The following OR4N2 variants were observed in gnomAD, a reference collection of about 807,000 sequenced individuals.
OR4N2 encodes the protein olfactory receptor family 4 subfamily N member 2, also known as olfactory receptor 4N2.
For missense variants in OR4N2, 307 were observed against 377.6 expected, an observed-to-expected ratio of 0.81 and a Z score of 1.55; for synonymous variants, 141 against 140.4, an observed-to-expected ratio of 1.00 and a Z score of -0.03.
chr14:19,816,166 T>C (rs1294936885), intron 1 of OR4N2, among the ~76,000 whole-genome samples: 20 of 150,470 alleles, frequency 1.3e-4, no homozygotes, highest in Non-Finnish European at 3.0e-4. Flanking sequence ...TGCTTAGGAT[T>C]GTCTTGGCTA....
intron 1 of OR4N2, among the ~76,000 whole-genome samples, chr14:19,824,032 G>A (rs1435418829): frequency 5.3e-5 from 8 of 152,182 alleles, no homozygotes; most frequent in African/African-American, 1.9e-4. Context: ...TCTGTAGTGT[G>A]TCATCATGGC....
rs78856469 is a variant in OR4N2 at position 19,828,906 on chromosome 14, G to T, written c.*534G>T. Reference sequence around the variant, plus strand: ...TAATATGAAAATGATTAAAGTTGGAGATACTGGTAGTGTCAAAAACATACG... The same window carrying T: ...TAATATGAAAATGATTAAAGTTGGATATACTGGTAGTGTCAAAAACATACG... On this transcript the variant is annotated 3_prime_UTR_variant, in exon 2 of 2. Coordinates refer to ENST00000557677, the MANE Select transcript of OR4N2 (RefSeq NM_001004723.3). 640 of 157,526 alleles carry T rather than the reference G, an allele frequency of 4.1e-3. 5 individuals carry two copies. Among genetic ancestry groups the T allele is most frequent in the African/African-American group, 0.014 (561 of 41,534 alleles). 9.8% of individuals were successfully genotyped at this position (157,526 alleles called of 1,614,324 possible).
At chr14:19,821,805 G>T (rs1377524851) in intron 1 of OR4N2, 2 of 152,256 alleles carry the variant, frequency 1.3e-5, no homozygotes. Flanking sequence ...GAAGCATTCA[G>T]TGGGTCATGG....
rs566939803 is a variant in OR4N2, at chr14:19,827,876, C to T, written c.428C>T (p.Ala143Val). 1.2e-6 allele frequency: 2 copies of T among 1,614,250 alleles called. No homozygotes were observed. Among genetic ancestry groups the T allele is most frequent in the African/African-American group, 1.3e-5 (1 of 75,062 alleles). Residue 143 changes from alanine to valine, a missense_variant, in exon 2 of 2, where the codon GCA (alanine) becomes GTA (valine). Ala to Val is a moderately conservative substitution (Grantham distance 64). Transcript: ENST00000557677. ...PTVMNPRTCY[A>V]MMLALWLGGF... ...GTCATGAACCCTAGAACCTGCTATG[C>T]AATGATGTTGGCTCTGTGGCTTGGG...
At chr14:19,818,399 C>G (rs1378122131) in intron 1 of OR4N2, among the ~76,000 whole-genome samples, 2 of 152,184 alleles carry the variant, frequency 1.3e-5, no homozygotes, top group Non-Finnish European at 2.9e-5. Flanking sequence ...GGATAGTTAG[C>G]TTTTCTTGTT....
chr14:19,812,314 C>CT (rs1406692579), intron 1 of OR4N2, among the ~76,000 whole-genome samples: 1 of 114,898 alleles, frequency 8.7e-6, no homozygotes, highest in Non-Finnish European at 1.9e-5. Flanking sequence ...TTTTTTTTTT[C>CT]TTTTCTTTTC....
chr14:19,829,620 G>A lies in OR4N2; in HGVS notation c.*1248G>A, dbSNP rs1329952923. The A allele has an allele frequency of 1.3e-5, 2 of 152,220 alleles. No homozygotes were observed. Among genetic ancestry groups the A allele is most frequent in the African/African-American group, 4.8e-5 (2 of 41,428 alleles). 9.4% of individuals were successfully genotyped at this position (152,220 alleles called of 1,614,324 possible). A position where few individuals can be genotyped will look rare whatever the true frequency, so the allele number is the denominator to read the frequency against. ...AAGTTGATGATCTGGAATCACTTTG[G>A]ACCTAACAAATCGCCCCTAGTATAA... On this transcript the variant is annotated 3_prime_UTR_variant, in exon 2 of 2. Coordinates refer to ENST00000557677, the MANE Select transcript of OR4N2 (RefSeq NM_001004723.3).
chr14:19,822,293 C>A (rs1879586070), intron 1 of OR4N2: 1 of 152,222 alleles, frequency 6.6e-6, no homozygotes. Context: ...AACCAAAAAT[C>A]ATACAAATGA....
At chr14:19,804,867 TG>T (rs1379391661) in intron 1 of OR4N2, among the ~76,000 whole-genome samples, 2 of 152,252 alleles carry the variant, frequency 1.3e-5, no homozygotes. Flanking sequence ...TTTATAAGTC[TG>T]GGTACTTCTG....
chr14:19,812,408 C>T (rs1168593345), intron 1 of OR4N2, among the ~76,000 whole-genome samples: 2 of 148,788 alleles, frequency 1.3e-5, no homozygotes, highest in Non-Finnish European at 3.0e-5. Context: ...CGGCTCACTG[C>T]AAACTCCACC....
At chr14:19,815,915 T>C (rs771213207) in intron 1 of OR4N2, among the ~76,000 whole-genome samples, 1 of 152,238 alleles carries the variant, frequency 6.6e-6, no homozygotes, top group South Asian at 2.1e-4. Flanking sequence ...TTTCTACATA[T>C]GTCTAAGCCA....
intron 1 of OR4N2, among the ~76,000 whole-genome samples, chr14:19,810,919 A>T (rs1244706512): frequency 5.9e-5 from 9 of 152,246 alleles, no homozygotes; most frequent in African/African-American, 9.6e-5. Flanking sequence ...ATGACAAAAC[A>T]CATTCGCCAA....
At chr14:19,806,491 A>G (rs990645511) in intron 1 of OR4N2, among the ~76,000 whole-genome samples, 3 of 152,210 alleles carry the variant, frequency 2.0e-5, no homozygotes, top group African/African-American at 7.2e-5. Context: ...GCATTACATA[A>G]TGATAAAGGG....
chr14:19,823,615 A>C, intron 1 of OR4N2, among the ~76,000 whole-genome samples: 1 of 152,242 alleles, frequency 6.6e-6, no homozygotes, highest in East Asian at 1.9e-4. Context: ...CCATGAACAT[A>C]GACGAAAAGT....
chr14:19,824,169 C>G (rs1879635017), intron 1 of OR4N2, among the ~76,000 whole-genome samples: 1 of 152,236 alleles, frequency 6.6e-6, no homozygotes, highest in African/African-American at 2.4e-5. Context: ...ACACTTTACT[C>G]TGCTGATGCC....
intron 1 of OR4N2, among the ~76,000 whole-genome samples, chr14:19,808,904 A>G (rs976785516): frequency 2.6e-5 from 4 of 152,226 alleles, no homozygotes; most frequent in Non-Finnish European, 5.9e-5. Context: ...ACAGCATGCT[A>G]CTGGTACAGA....
chr14:19,815,035 T>A (rs1879390647), intron 1 of OR4N2, among the ~76,000 whole-genome samples: 1 of 152,262 alleles, frequency 6.6e-6, no homozygotes, highest in Non-Finnish European at 1.5e-5. Flanking sequence ...TATTCCATAA[T>A]GTATATGTGA....
At chr14:19,804,162 T>C (rs1879096873) in intron 1 of OR4N2, among the ~76,000 whole-genome samples, 2 of 152,224 alleles carry the variant, frequency 1.3e-5, no homozygotes. Context: ...CTGGATTTGT[T>C]AATCTTTTGT....
Position 19,828,430 on chromosome 14 carries a change from ATTTG to A in OR4N2, c.*62_*65del, listed in dbSNP as rs1398386075. On this transcript the variant is annotated 3_prime_UTR_variant, in exon 2 of 2. Transcript: ENST00000557677. ...GACTGTAGAATTTTATCTGAAATTG[ATTTG>A]TTTATTTCCAAGTACTGCAATCACT... The A allele has an allele frequency of 1.2e-5, 17 of 1,435,530 alleles. No homozygotes were observed. In the African/African-American group the frequency reaches 1.6e-4, roughly 13 times the overall value. The allele number at this position is 1,435,530 out of a possible 1,614,324, so 88.9% of individuals were successfully genotyped here. A position where few individuals can be genotyped will look rare whatever the true frequency, so the allele number is the denominator to read the frequency against.
Sources: gnomAD v4.1 joint callset for allele counts (sites outside exome capture counted in the v4.1 genomes callset) on GRCh38, gnomAD v4.1.1 for gene constraint, MANE v1.5 for transcripts, NCBI Gene and HGNC (gene_info 2026-07-23, HGNC 2026-07-21) for gene names.